NIBAN1: variants seen among roughly 807,000 people sequenced by gnomAD.
The protein encoded by NIBAN1 is protein Niban 1.
In NIBAN1, 81 loss-of-function variants were observed where a neutral mutation model predicts 75.1. The observed-to-expected ratio is 1.08, with a 90% CI of 0.90 to 1.30. The LOEUF (loss-of-function observed/expected upper bound fraction) is 1.30, where lower values mean the gene tolerates loss of function less well. NIBAN1 is among the 50% of genes most tolerant of loss of function. The pLI is 0.00. For synonymous variants in NIBAN1, 436 were observed against 424.8 expected, an observed-to-expected ratio of 1.03 and a Z score of -0.32; for missense variants, 1,133 against 1,128.1, an observed-to-expected ratio of 1.00 and a Z score of -0.06.
intron 12 of NIBAN1, among the ~76,000 whole-genome samples, chr1:184,800,417 G>T (rs534466707): frequency 1.3e-5 from 2 of 151,578 alleles, no homozygotes; most frequent in Admixed American, 6.6e-5. Flanking sequence ...TGCTTTTGGC[G>T]TTTTAGACAT....
intron 1 of NIBAN1, among the ~76,000 whole-genome samples, chr1:184,960,874 C>T (rs1425600498): frequency 6.6e-6 from 1 of 152,034 alleles, no homozygotes; most frequent in Non-Finnish European, 1.5e-5. Context: ...AGGTGATCCA[C>T]CTGCCTCGGA....
intron 5 of NIBAN1, among the ~76,000 whole-genome samples, chr1:184,856,531 A>G (rs773295475): frequency 6.6e-6 from 1 of 152,208 alleles, no homozygotes; most frequent in Non-Finnish European, 1.5e-5. Context: ...AGCTGGAAAA[A>G]AGGTGATAAC....
At chr1:184,805,639 A>T (rs1331722125) in intron 11 of NIBAN1, among the ~76,000 whole-genome samples, 2 of 152,158 alleles carry the variant, frequency 1.3e-5, no homozygotes, top group African/African-American at 4.8e-5. Context: ...CTACTTTTAC[A>T]TCCCATGCAG....
At chr1:184,835,951 G>T (rs1414677590) in intron 5 of NIBAN1, among the ~76,000 whole-genome samples, 1 of 152,192 alleles carries the variant, frequency 6.6e-6, no homozygotes, top group Non-Finnish European at 1.5e-5. Context: ...TCCAGTTTTT[G>T]CCCATTCAGT....
intron 2 of NIBAN1, among the ~76,000 whole-genome samples, chr1:184,895,594 C>T (rs1656777707): frequency 6.6e-6 from 1 of 152,018 alleles, no homozygotes; most frequent in African/African-American, 2.4e-5. Context: ...TCAAGGGGTA[C>T]GTGTGTTTCT....
At chr1:184,802,704 C>CT (rs1245815882) in intron 12 of NIBAN1, among the ~76,000 whole-genome samples, 1 of 152,136 alleles carries the variant, frequency 6.6e-6, no homozygotes, top group Non-Finnish European at 1.5e-5. Flanking sequence ...CCAAAAAGCC[C>CT]TTTTTTAAAT....
At chr1:184,949,553 C>A (rs1008658084) in intron 1 of NIBAN1, among the ~76,000 whole-genome samples, 3 of 152,130 alleles carry the variant, frequency 2.0e-5, no homozygotes, top group Non-Finnish European at 4.4e-5. Context: ...ATATAACTTG[C>A]GCAAAGAGGA....
Position 184,794,932 on chromosome 1 carries a change from C to A in NIBAN1, c.*45G>T, listed in dbSNP as rs114166873. 33 of 1,601,616 alleles carry A rather than the reference C, an allele frequency of 2.1e-5. No homozygotes were observed. The highest frequency in any genetic ancestry group is 2.8e-5 in the Non-Finnish European group (33 of 1,179,888). On this transcript the variant is annotated 3_prime_UTR_variant, in exon 14 of 14. Transcript: ENST00000367511. ...GCAACCCCTAAGTGTACCCCTATAA[C>A]CCTTTGGCTTTTTTCAGAGAAAGAC... is the stretch of plus-strand genomic sequence containing the variant.
In NIBAN1 at chr1:184,793,243, C is replaced by T. The variant is rs1379853996; in HGVS notation, c.*1734G>A. 1 of 152,088 alleles carries T rather than the reference C, an allele frequency of 6.6e-6. No homozygotes were observed. Among genetic ancestry groups the T allele is most frequent in the Non-Finnish European group, 1.5e-5 (1 of 68,014 alleles). 9.4% of individuals were successfully genotyped at this position (152,088 alleles called of 1,614,324 possible). A position where few individuals can be genotyped will look rare whatever the true frequency, so the allele number is the denominator to read the frequency against. On this transcript the variant is annotated 3_prime_UTR_variant, in exon 14 of 14. Coordinates refer to ENST00000367511, the MANE Select transcript of NIBAN1 (RefSeq NM_052966.4). ...AGTGATGATCTAAACAAGTTCTCAA[C>T]AAATATGTTGAGATCTGATGTTAAA...
chr1:184,858,056 TTGAC>T (rs771681687), intron 5 of NIBAN1, among the ~76,000 whole-genome samples: 1 of 152,120 alleles, frequency 6.6e-6, no homozygotes, highest in Non-Finnish European at 1.5e-5. Context: ...ATTAATATAT[TTGAC>T]TGCATAAAAA....
intron 3 of NIBAN1, 82 bp downstream of exon 3, chr1:184,893,993 A>G (rs1314642100): frequency 7.1e-7 from 1 of 1,410,318 alleles, no homozygotes; most frequent in Non-Finnish European, 9.5e-7. Flanking sequence ...ATAGCCTTGT[A>G]GGAAGGAGAG....
chr1:184,835,274 C>G (rs1000642503), intron 5 of NIBAN1, among the ~76,000 whole-genome samples: 1 of 152,124 alleles, frequency 6.6e-6, no homozygotes, highest in Non-Finnish European at 1.5e-5. Context: ...AGTCAGGTAG[C>G]GTGACGCCTC....
At chr1:184,885,161 G>A (rs1557900300) in intron 4 of NIBAN1, among the ~76,000 whole-genome samples, 1 of 152,144 alleles carries the variant, frequency 6.6e-6, no homozygotes, top group African/African-American at 2.4e-5. Context: ...TGATTCTCCT[G>A]CCTCAGCCTC....
At chr1:184,940,718 A>T (rs1658068740) in intron 1 of NIBAN1, among the ~76,000 whole-genome samples, 2 of 152,224 alleles carry the variant, frequency 1.3e-5, no homozygotes, top group African/African-American at 4.8e-5. Context: ...TTGCATAAAA[A>T]TTTTTTAACT....
At chr1:184,826,490 G>A (rs879416738) in intron 6 of NIBAN1, among the ~76,000 whole-genome samples, 3 of 152,190 alleles carry the variant, frequency 2.0e-5, no homozygotes, top group Non-Finnish European at 4.4e-5. Context: ...AATGGGATAA[G>A]TTCTTGTTTG....
chr1:184,937,535 C>T (rs911767978), intron 1 of NIBAN1, among the ~76,000 whole-genome samples: 2 of 152,216 alleles, frequency 1.3e-5, no homozygotes, highest in Non-Finnish European at 2.9e-5. Flanking sequence ...AACTACCTCT[C>T]ATGAGCCAGA....
At chr1:184,930,833 T>G (rs755908603) in intron 1 of NIBAN1, among the ~76,000 whole-genome samples, 3 of 152,194 alleles carry the variant, frequency 2.0e-5, no homozygotes, top group Non-Finnish European at 4.4e-5. Flanking sequence ...ATTATGGTTT[T>G]ATGACACATT....
At chr1:184,895,262 T>C (rs761837060) in intron 2 of NIBAN1, among the ~76,000 whole-genome samples, 1 of 152,158 alleles carries the variant, frequency 6.6e-6, no homozygotes, top group Non-Finnish European at 1.5e-5. Flanking sequence ...ACTGAAACCA[T>C]GGCATAAGCT....
At chr1:184,861,569 A>AGAAGGAAGGAAGGAGG (rs1336353237) in intron 5 of NIBAN1, among the ~76,000 whole-genome samples, 18 of 141,630 alleles carry the variant, frequency 1.3e-4, no homozygotes, top group African/African-American at 4.2e-4. Context: ...AAAGAAGGAG[A>AGAAGGAAGGAAGGAGG]GAAGGAAGGA....
Sources: gnomAD v4.1 joint callset for allele counts (sites outside exome capture counted in the v4.1 genomes callset) on GRCh38, gnomAD v4.1.1 for gene constraint, MANE v1.5 for transcripts, NCBI Gene and HGNC (gene_info 2026-07-23, HGNC 2026-07-21) for gene names.